Variants in PPARGC1A observed in about 807,000 individuals in gnomAD.
PPARGC1A encodes the protein peroxisome proliferator-activated receptor gamma coactivator 1-alpha.
In PPARGC1A, 25 loss-of-function variants were observed where a neutral mutation model predicts 88.7. That is an observed-to-expected ratio of 0.28 (90% CI 0.21 to 0.39). The LOEUF (loss-of-function observed/expected upper bound fraction) is 0.39, where lower values mean the gene tolerates loss of function less well. PPARGC1A is among the 10% of genes least tolerant of loss of function. The pLI, the probability that PPARGC1A is intolerant of heterozygous loss-of-function variation, is 1.00. For missense variants in PPARGC1A, 880 were observed against 968.7 expected (o/e 0.91, Z 1.22); for synonymous variants, 363 against 355.6 (o/e 1.02, Z -0.24).
At chr4:23,963,538 A>G in the PPARGC1A span, among the ~76,000 whole-genome samples, 1 of 152,128 alleles carries the variant, frequency 6.6e-6, no homozygotes, top group African/African-American at 2.4e-5. Flanking sequence ...CTTTGTAATT[A>G]TTAGTTAAGA....
At chr4:24,309,178 A>G in the PPARGC1A span, among the ~76,000 whole-genome samples, 18 of 152,224 alleles carry the variant, frequency 1.2e-4, no homozygotes, top group Middle Eastern at 3.2e-3. Context: ...TAAGCAAAAC[A>G]ATTACAAATA....
At chr4:24,424,322 C>T in the PPARGC1A span, among the ~76,000 whole-genome samples, 1 of 124,172 alleles carries the variant, frequency 8.1e-6, no homozygotes, top group African/African-American at 3.1e-5. Flanking sequence ...GTCGCCCAGG[C>T]TCGAGTGCCC....
the PPARGC1A span, among the ~76,000 whole-genome samples, chr4:24,105,861 G>A: frequency 5.9e-5 from 9 of 152,166 alleles, no homozygotes; most frequent in Non-Finnish European, 1.3e-4. Flanking sequence ...CCCAGCTCAC[G>A]AAGTTCCAGT....
At chr4:23,966,902 G>A in the PPARGC1A span, among the ~76,000 whole-genome samples, 1 of 152,094 alleles carries the variant, frequency 6.6e-6, no homozygotes, top group Non-Finnish European at 1.5e-5. Flanking sequence ...TTCTCATCAC[G>A]CCATACTGCC....
chr4:24,240,514 A>G, the PPARGC1A span, among the ~76,000 whole-genome samples: 1 of 152,216 alleles, frequency 6.6e-6, no homozygotes, highest in Non-Finnish European at 1.5e-5. Flanking sequence ...GTATTTTTAC[A>G]CAATCATAAA....
the PPARGC1A span, among the ~76,000 whole-genome samples, chr4:24,194,061 G>A: frequency 1.4e-5 from 2 of 147,204 alleles, no homozygotes; most frequent in East Asian, 2.0e-4. Flanking sequence ...CCTGGGAGGT[G>A]GAGGTTGCAG....
At chr4:24,345,815 T>C in the PPARGC1A span, among the ~76,000 whole-genome samples, 1 of 152,212 alleles carries the variant, frequency 6.6e-6, no homozygotes, top group African/African-American at 2.4e-5. Context: ...TCCAGTACTA[T>C]GTTGAAGAGG....
chr4:24,049,322 A>ATG, the PPARGC1A span, among the ~76,000 whole-genome samples: 4,143 of 141,952 alleles, frequency 0.029, 204 homozygotes, highest in African/African-American at 0.1. Flanking sequence ...ATATATATAT[A>ATG]TGTGTGTGTG....
chr4:24,085,734 C>G, the PPARGC1A span, among the ~76,000 whole-genome samples: 2 of 152,202 alleles, frequency 1.3e-5, no homozygotes, highest in Non-Finnish European at 2.9e-5. Flanking sequence ...GCAAAATTAT[C>G]TCCTCATGAA....
chr4:23,816,931 C>G (rs1399330992), intron 7 of PPARGC1A, among the ~76,000 whole-genome samples: 1 of 152,032 alleles, frequency 6.6e-6, no homozygotes, highest in Non-Finnish European at 1.5e-5. Flanking sequence ...TTTATTTTTT[C>G]TAGATTCTCC....
the PPARGC1A span, among the ~76,000 whole-genome samples, chr4:23,980,376 A>T: frequency 6.6e-6 from 1 of 152,176 alleles, no homozygotes; most frequent in African/African-American, 2.4e-5. Context: ...CTGTCTACCC[A>T]AACTTAATTC....
chr4:24,434,485 C>G, the PPARGC1A span, among the ~76,000 whole-genome samples: 1 of 152,208 alleles, frequency 6.6e-6, no homozygotes, highest in African/African-American at 2.4e-5. Flanking sequence ...CTGTTATCTT[C>G]TGGCGGACTC....
the PPARGC1A span, among the ~76,000 whole-genome samples, chr4:24,057,612 T>TGGTAGTGGTGGAGGA: frequency 3.3e-5 from 5 of 152,108 alleles, no homozygotes; most frequent in African/African-American, 1.2e-4. Context: ...GGGAAAGCCT[T>TGGTAGTGGTGGAGGA]GGTAGTGGTG....
Position 23,793,343 on chromosome 4 carries a change from GTTCT to G in PPARGC1A, c.*2475_*2478del, listed in dbSNP as rs1221917310. The G allele has an allele frequency of 2.0e-5, 3 of 152,636 alleles. No individual in the cohort carries two copies. The highest frequency in any genetic ancestry group is 4.8e-5 in the African/African-American group (2 of 41,552). 9.5% of individuals were successfully genotyped at this position (152,636 alleles called of 1,614,324 possible). On this transcript the variant is annotated 3_prime_UTR_variant, in exon 13 of 13. Coordinates refer to ENST00000264867, the MANE Select transcript of PPARGC1A (RefSeq NM_013261.5). ...GTTGTAACGCAGAACCTGTGAACAAGTTCTTTCATTTCATAGTATTTTTATTGCT... is the reference window on the plus strand; with the variant it reads ...GTTGTAACGCAGAACCTGTGAACAAGTTCATTTCATAGTATTTTTATTGCT...
At chr4:23,982,099 A>G in the PPARGC1A span, among the ~76,000 whole-genome samples, 54 of 152,236 alleles carry the variant, frequency 3.5e-4, 2 homozygotes, top group African/African-American at 1.3e-3. Context: ...ACTCCTACCC[A>G]TAAGCAAAAG....
At chr4:24,431,144 A>AG in the PPARGC1A span, among the ~76,000 whole-genome samples, 1 of 138,520 alleles carries the variant, frequency 7.2e-6, no homozygotes, top group Admixed American at 7.3e-5. Flanking sequence ...AAAAAAAAAG[A>AG]GAAAAAAAAA....
At chr4:24,175,473 A>G in the PPARGC1A span, among the ~76,000 whole-genome samples, 1 of 146,092 alleles carries the variant, frequency 6.8e-6, no homozygotes, top group Non-Finnish European at 1.5e-5. Flanking sequence ...CTTCCAGGTC[A>G]GAGTGATTCT....
At chr4:23,935,665 C>G in the PPARGC1A span, among the ~76,000 whole-genome samples, 1 of 152,200 alleles carries the variant, frequency 6.6e-6, no homozygotes, top group East Asian at 1.9e-4. Context: ...AAATAACAAA[C>G]CACGTGGTAG....
the PPARGC1A span, among the ~76,000 whole-genome samples, chr4:24,396,731 C>T: frequency 7.2e-5 from 11 of 152,112 alleles, no homozygotes; most frequent in Non-Finnish European, 1.5e-4. Flanking sequence ...ACACTTCAAA[C>T]ACACAGCATC....
Sources: gnomAD v4.1 joint callset for allele counts (sites outside exome capture counted in the v4.1 genomes callset) on GRCh38, gnomAD v4.1.1 for gene constraint, MANE v1.5 for transcripts, NCBI Gene and HGNC (gene_info 2026-07-23, HGNC 2026-07-21) for gene names.